Variants in NPEPL1 observed in about 807,000 individuals in gnomAD.
The protein encoded by NPEPL1 is aminopeptidase like 1, also known as probable aminopeptidase NPEPL1.
A neutral mutation model predicts 52.4 loss-of-function variants in NPEPL1; 45 were observed. The ratio of observed to expected loss-of-function variants is 0.86; its 90% CI spans 0.68 to 1.10. The LOEUF is 1.10. NPEPL1 is among the 50% of genes least tolerant of loss of function. The pLI is 0.00. For missense variants in NPEPL1, 696 were observed against 710.9 expected, an observed-to-expected ratio of 0.98 and a Z score of 0.24; for synonymous variants, 360 against 314.7, an observed-to-expected ratio of 1.14 and a Z score of -1.52.
intron 6 of NPEPL1, chr20:58,704,256 G>C (rs569598142): frequency 2.6e-4 from 252 of 984,910 alleles, no homozygotes; most frequent in Non-Finnish European, 2.9e-4. Flanking sequence ...AAGCAAGCCG[G>C]CTGGAGCCAG....
Position 58,692,850 on chromosome 20 carries a change from G to T in NPEPL1, c.-51G>T. 2.0e-6 allele frequency: 2 copies of T among 986,684 alleles called. No individual in the cohort carries two copies. The highest frequency in any genetic ancestry group is 2.4e-6 in the Non-Finnish European group (2 of 830,370). The allele number at this position is 986,684 out of a possible 1,614,324, so 61.1% of individuals were successfully genotyped here. A position where few individuals can be genotyped will look rare whatever the true frequency, so the allele number is the denominator to read the frequency against. On this transcript the variant is annotated 5_prime_UTR_variant, in exon 1 of 12. Transcript: ENST00000356091. The surrounding 1 kb of genome is among the most constrained non-coding windows in gnomAD (Gnocchi z 5.7). ...GCCGGAGCGGGGCGAAGGGGGCCGA[G>T]CGGCGGGCCGGGCCGGGCCGGGCAG... is the stretch of plus-strand genomic sequence containing the variant.
At chr20:58,708,095 C>T (rs2084771434) in intron 7 of NPEPL1, among the ~76,000 whole-genome samples, 1 of 152,132 alleles carries the variant, frequency 6.6e-6, no homozygotes, top group African/African-American at 2.4e-5. Flanking sequence ...AGAAACAGGC[C>T]AATGAGGAGT....
At chr20:58,700,259 C>G (rs975631516) in intron 5 of NPEPL1, among the ~76,000 whole-genome samples, 1 of 152,204 alleles carries the variant, frequency 6.6e-6, no homozygotes, top group Non-Finnish European at 1.5e-5. Context: ...GGTGAGACAT[C>G]AGGACCTGCT....
intron 3 of NPEPL1, among the ~76,000 whole-genome samples, chr20:58,697,003 G>A (rs1180015632): frequency 6.6e-6 from 1 of 152,192 alleles, no homozygotes; most frequent in Non-Finnish European, 1.5e-5. Flanking sequence ...CTTCCCTGCG[G>A]GAACCTTCCA....
At chr20:58,692,751 G>T (rs2084378018), upstream of NPEPL1, 11 of 941,384 alleles carry the variant, frequency 1.2e-5, no homozygotes, top group Non-Finnish European at 1.4e-5. The surrounding 1 kb of genome is among the most constrained non-coding windows in gnomAD (Gnocchi z 5.7). Flanking sequence ...TGCACGTCTC[G>T]CGAGCAGCCC....
In NPEPL1 at chr20:58,693,855, C is replaced by T. The variant is rs764057579; in HGVS notation, c.269C>T (p.Ser90Leu). 2.5e-6 allele frequency: 4 copies of T among 1,613,622 alleles called. No individual in the cohort carries two copies. Among genetic ancestry groups the T allele is most frequent in the Non-Finnish European group, 3.4e-6 (4 of 1,179,768 alleles). ...PCRVSRHNSP[S>L]AAHFITRLVR... ...AGGGTGAGCCGGCACAACAGCCCCT[C>T]GGCCGCCCACTTCATCACGCGGCTG... Residue 90 changes from serine to leucine, a missense_variant, in exon 2 of 12, where the codon TCG becomes TTG. Coordinates refer to ENST00000356091, the MANE Select transcript of NPEPL1 (RefSeq NM_024663.4).
chr20:58,708,606 A>G (rs2084780168), intron 7 of NPEPL1, among the ~76,000 whole-genome samples: 1 of 151,792 alleles, frequency 6.6e-6, no homozygotes, highest in Non-Finnish European at 1.5e-5. Context: ...TCTGTGCGCT[A>G]CTCCTTCACT....
intron 5 of NPEPL1, among the ~76,000 whole-genome samples, chr20:58,700,562 GAGA>G (rs554131893): frequency 3.9e-5 from 6 of 152,206 alleles, no homozygotes; most frequent in Non-Finnish European, 8.8e-5. Context: ...CAGCTTTCTT[GAGA>G]AGATGTGTCA....
chr20:58,692,193 GA>G, upstream of NPEPL1: 1 of 303,222 alleles, frequency 3.3e-6, no homozygotes, highest in East Asian at 6.7e-5. The surrounding 1 kb of genome is among the most constrained non-coding windows in gnomAD (Gnocchi z 5.7). Context: ...GCCCTGGATG[GA>G]AAGCCACGTC....
In NPEPL1 at chr20:58,704,206, G is replaced by C. The variant is rs534762915; in HGVS notation, c.823-2917G>C. ...GCAGCAGGCATTCTCCCCAGTGGCT[G>C]CCTGTAGAGCAAATGGTGCAGAAAT... On this transcript the variant is annotated intron_variant, in intron 6 of 11. Coordinates refer to ENST00000356091, the MANE Select transcript of NPEPL1 (RefSeq NM_024663.4). The C allele has an allele frequency of 1.0e-5, 10 of 985,374 alleles. No individual in the cohort carries two copies. The African/African-American group carries it at 1.6e-4, about 15-fold the overall frequency. The allele number at this position is 985,374 out of a possible 1,614,324, so 61.0% of individuals were successfully genotyped here. A position where few individuals can be genotyped will look rare whatever the true frequency, so the allele number is the denominator to read the frequency against.
intron 6 of NPEPL1, chr20:58,704,426 A>T: frequency 8.7e-6 from 8 of 923,362 alleles, no homozygotes; most frequent in Non-Finnish European, 9.1e-6. Context: ...TTTTTGTATA[A>T]CAATGTCTAT....
Position 58,713,451 on chromosome 20 carries a change from G to A in NPEPL1, c.1033G>A (p.Gly345Ser), listed in dbSNP as rs1192958323. The change falls in exon 9 of 12, where the codon GGC becomes AGC. Residue 345 changes from glycine to serine, a missense_variant. Gly to Ser is a moderately conservative substitution (Grantham distance 56). Transcript: ENST00000356091. This position sits in a 1 kb window ranked among gnomAD's most constrained non-coding sequence, Gnocchi z 4.6. ...TVEINNTDAE[G>S]RLVLADGVSY... is the part of the protein sequence containing the mutation. ...GGAAATCAACAACACGGATGCCGAGGGCAGGCTGGTGCTGGCAGATGGCGT... is the reference window on the plus strand; with the variant it reads ...GGAAATCAACAACACGGATGCCGAGAGCAGGCTGGTGCTGGCAGATGGCGT... 6.2e-7 allele frequency: 1 copy of A among 1,610,326 alleles called. No homozygotes were observed. Among genetic ancestry groups the A allele is most frequent in the African/African-American group, 1.3e-5 (1 of 74,890 alleles).
intron 6 of NPEPL1, among the ~76,000 whole-genome samples, chr20:58,702,876 A>G (rs1246557741): frequency 6.6e-6 from 1 of 152,224 alleles, no homozygotes; most frequent in Non-Finnish European, 1.5e-5. Context: ...CAATCACAAC[A>G]CCCACTGTGT....
chr20:58,691,800 A>G, upstream of NPEPL1: 3 of 1,548,170 alleles, frequency 1.9e-6, no homozygotes, highest in South Asian at 1.2e-5. Context: ...GAGGGTACCA[A>G]CCAAAGGCCC....
In NPEPL1 at chr20:58,694,512, C is replaced by A. The variant is rs761634929; in HGVS notation, c.427C>A (p.Arg143Ser). The stretch of plus-strand genomic sequence containing the variant: ...CACCCACCGCTCAGGTGCCTCTCGG[C>A]GCTTGGAGAAGAAGACGGTCACCGT... ...LFTHRSGASR[R>S]LEKKTVTVEF... The change falls in exon 3 of 12, where the codon CGC becomes AGC. Residue 143 changes from arginine to serine, a missense_variant. By Grantham distance (110) the Arg-to-Ser change is moderately radical. Transcript: ENST00000356091. 2.1e-5 allele frequency: 34 copies of A among 1,613,998 alleles called. No individual in the cohort carries two copies. Among genetic ancestry groups the A allele is most frequent in the Non-Finnish European group, 2.9e-5 (34 of 1,179,876 alleles).
intron 7 of NPEPL1, among the ~76,000 whole-genome samples, chr20:58,708,420 A>G (rs1360337679): frequency 6.6e-6 from 1 of 151,914 alleles, no homozygotes; most frequent in African/African-American, 2.4e-5. Context: ...GCAGGCCCTC[A>G]CCTGTGCTCT....
upstream of NPEPL1, among the ~76,000 whole-genome samples, chr20:58,692,442 G>T (rs1223814469): frequency 6.6e-6 from 1 of 152,192 alleles, no homozygotes; most frequent in Non-Finnish European, 1.5e-5. The surrounding 1 kb of genome is among the most constrained non-coding windows in gnomAD (Gnocchi z 5.7). Flanking sequence ...GACCTCGGGG[G>T]ACCTGCTTGG....
At chr20:58,703,467 TCGCA>T (rs1214621941) in intron 6 of NPEPL1, 1 of 979,626 alleles carries the variant, frequency 1.0e-6, no homozygotes, top group African/African-American at 1.9e-5. Context: ...GCTCCCACCC[TCGCA>T]CGCACCCTCA....
intron 5 of NPEPL1, 49 bp downstream of exon 5, chr20:58,699,327 G>C: frequency 7.0e-7 from 1 of 1,427,382 alleles, no homozygotes; most frequent in Non-Finnish European, 9.6e-7. Flanking sequence ...GCAGTGGCCA[G>C]GGGCACTTGG....
Sources: allele counts gnomAD v4.1 joint callset (sites outside exome capture counted in the v4.1 genomes callset), GRCh38; gene constraint gnomAD v4.1.1; non-coding constraint Gnocchi (gnomAD v3.1); transcripts MANE v1.5; gene names NCBI Gene and HGNC (gene_info 2026-07-23, HGNC 2026-07-21).